ENO4: variants seen among roughly 807,000 people sequenced by gnomAD.
ENO4 encodes the protein enolase 4.
A neutral mutation model predicts 63.2 loss-of-function variants in ENO4; 53 were observed. The observed-to-expected ratio is 0.84, with a 90% confidence interval of 0.67 to 1.05. The LOEUF is 1.05. Among genes scored for constraint, ENO4 ranks in the 50% least tolerant of loss-of-function variants. The pLI is 0.00. For synonymous variants in ENO4, 266 were observed against 283.8 expected, an observed-to-expected ratio of 0.94 and a Z score of 0.63; for missense variants, 719 against 772.0, an observed-to-expected ratio of 0.93 and a Z score of 0.81.
intron 4 of ENO4, 93 bp from the exon 5 acceptor site, chr10:116,860,701 C>A: frequency 1.0e-6 from 1 of 979,316 alleles, no homozygotes; most frequent in Non-Finnish European, 1.4e-6. Context: ...TTGTTCCCAG[C>A]CTCGGCTTTC....
intron 6 of ENO4, among the ~76,000 whole-genome samples, chr10:116,861,417 G>A (rs1312479781): frequency 6.6e-6 from 1 of 152,126 alleles, no homozygotes; most frequent in South Asian, 2.1e-4. Flanking sequence ...TCATGCTGTT[G>A]ACTCACAGAC....
chr10:116,862,031 C>T (rs959850368), intron 6 of ENO4, among the ~76,000 whole-genome samples: 3 of 152,138 alleles, frequency 2.0e-5, no homozygotes, highest in African/African-American at 7.2e-5. Flanking sequence ...ACGAGGAATG[C>T]CATTCTTTAT....
At chr10:116,876,844 G>A (rs1396348788) in intron 11 of ENO4, among the ~76,000 whole-genome samples, 1 of 152,086 alleles carries the variant, frequency 6.6e-6, no homozygotes, top group Admixed American at 6.5e-5. Flanking sequence ...CCAGCTACTC[G>A]GGAGGCTGAG....
At chr10:116,892,267 G>C (rs1847363016) in intron 10 of ENO4, among the ~76,000 whole-genome samples, 1 of 152,152 alleles carries the variant, frequency 6.6e-6, no homozygotes, top group African/African-American at 2.4e-5. Flanking sequence ...CACATTTACA[G>C]AATCTAAAAT....
intron 10 of ENO4, among the ~76,000 whole-genome samples, chr10:116,903,529 C>T (rs1211230796): frequency 7.1e-6 from 1 of 141,504 alleles, no homozygotes; most frequent in Admixed American, 7.1e-5. Context: ...ATCTCAGAGA[C>T]AAAAAAAAAA....
chr10:116,865,019 C>T (rs1034133763), intron 7 of ENO4, among the ~76,000 whole-genome samples: 6 of 151,762 alleles, frequency 4.0e-5, no homozygotes, highest in Non-Finnish European at 7.4e-5. Context: ...GACTCCGTCT[C>T]GGGGGGAAAG....
chr10:116,861,660 T>C (rs1257157378), intron 6 of ENO4, among the ~76,000 whole-genome samples: 1 of 152,162 alleles, frequency 6.6e-6, no homozygotes, highest in Non-Finnish European at 1.5e-5. Flanking sequence ...CTCAGAGGTG[T>C]GCAAGGATCT....
At chr10:116,878,084 C>G (rs1846886784) in intron 11 of ENO4, among the ~76,000 whole-genome samples, 1 of 152,210 alleles carries the variant, frequency 6.6e-6, no homozygotes, top group Non-Finnish European at 1.5e-5. Context: ...TCCTAGCATC[C>G]TATATTTCCT....
At chr10:116,857,506 G>C (rs1846298421) in intron 3 of ENO4, among the ~76,000 whole-genome samples, 1 of 152,174 alleles carries the variant, frequency 6.6e-6, no homozygotes, top group South Asian at 2.1e-4. Flanking sequence ...TTTCCTGTTT[G>C]TGCAGGTCCA....
At chr10:116,860,092 C>T (rs528650900) in intron 4 of ENO4, among the ~76,000 whole-genome samples, 10 of 152,300 alleles carry the variant, frequency 6.6e-5, no homozygotes, top group Admixed American at 3.3e-4. Context: ...ATTTGCTAAG[C>T]GCTCATTAAG....
intron 9 of ENO4, among the ~76,000 whole-genome samples, chr10:116,872,060 G>C (rs1392359166): frequency 6.6e-6 from 1 of 152,182 alleles, no homozygotes; most frequent in East Asian, 1.9e-4. Flanking sequence ...AGCTGGGCGT[G>C]GTGGTGGGCT....
At chr10:116,850,209 TC>T (rs1222500065) in intron 1 of ENO4, 2 of 221,126 alleles carry the variant, frequency 9.0e-6, no homozygotes, top group African/African-American at 4.7e-5. Context: ...TCCTACTGGC[TC>T]CTCTGCCGGG....
intron 4 of ENO4, among the ~76,000 whole-genome samples, chr10:116,860,485 T>A (rs1324886158): frequency 1.3e-5 from 2 of 152,224 alleles, no homozygotes; most frequent in African/African-American, 2.4e-5. Flanking sequence ...CTGTTACATG[T>A]TGGGCAAGTC....
chr10:116,887,266 CTT>C (rs1332606487), downstream of ENO4, among the ~76,000 whole-genome samples: 1 of 152,206 alleles, frequency 6.6e-6, no homozygotes, highest in Non-Finnish European at 1.5e-5. Flanking sequence ...TCTCTCGTCT[CTT>C]CTGCTGCAAG....
chr10:116,875,283 A>G (rs1423384582), intron 10 of ENO4, among the ~76,000 whole-genome samples: 3 of 152,076 alleles, frequency 2.0e-5, no homozygotes, highest in Admixed American at 2.0e-4. Context: ...GCATACACAG[A>G]ATGCACTGGC....
Position 116,874,122 on chromosome 10 carries a change from C to A in ENO4, c.1262C>A (p.Ala421Glu). The A allele has an allele frequency of 6.5e-7, 1 of 1,549,426 alleles. No individual in the cohort carries two copies. Among genetic ancestry groups the A allele is most frequent in the Non-Finnish European group, 8.7e-7 (1 of 1,145,924 alleles). Residue 421 changes from alanine to glutamate, a missense_variant, in exon 10 of 14, where the codon GCG becomes GAG. This residue lies in a region of ENO4 where 544 missense variants were observed against 583.6 expected (regional missense o/e 0.93). Coordinates refer to ENST00000341276, the MANE Select transcript of ENO4 (RefSeq NM_001242699.2). ...ATCATGGGCACATACAAAAATGCAG[C>A]GGAGATGGTTGACCTGTATGTGGAT... is the stretch of plus-strand genomic sequence containing the variant. ...EVIMGTYKNA[A>E]EMVDLYVDLI...
At chr10:116,903,871 C>T (rs1020737877) in intron 10 of ENO4, among the ~76,000 whole-genome samples, 3 of 152,072 alleles carry the variant, frequency 2.0e-5, no homozygotes, top group Non-Finnish European at 4.4e-5. Flanking sequence ...AAATGTACAC[C>T]GTTTAAGAGT....
chr10:116,908,123 A>G (rs1157304095), intron 10 of ENO4, among the ~76,000 whole-genome samples: 2 of 152,188 alleles, frequency 1.3e-5, no homozygotes, highest in Non-Finnish European at 2.9e-5. Flanking sequence ...GTTACAGAAA[A>G]GTAACCTGTT....
intron 11 of ENO4, among the ~76,000 whole-genome samples, chr10:116,877,778 G>A (rs1397415349): frequency 2.0e-5 from 3 of 152,190 alleles, no homozygotes; most frequent in African/African-American, 7.2e-5. Context: ...ATTGGGTCAG[G>A]CATTTGCGAA....
Sources: allele counts gnomAD v4.1 joint callset (sites outside exome capture counted in the v4.1 genomes callset), GRCh38; gene constraint gnomAD v4.1.1; regional missense constraint gnomAD v4.1.1; transcripts MANE v1.5; gene names NCBI Gene and HGNC (gene_info 2026-07-23, HGNC 2026-07-21).